Variants in ZC3H12B observed in about 807,000 individuals in gnomAD.
ZC3H12B encodes zinc finger CCCH-type containing 12B.
Under a neutral mutation model 43.9 loss-of-function variants are expected in ZC3H12B, and 7 were observed. That is an observed-to-expected ratio of 0.16 (90% CI 0.09 to 0.30). ZC3H12B has a LOEUF of 0.30. Among genes scored for constraint, ZC3H12B ranks in the 10% least tolerant of loss-of-function variants. The pLI is 1.00. For missense variants in ZC3H12B, 475 were observed against 670.2 expected (o/e 0.71, Z 3.22); for synonymous variants, 222 against 241.7 (o/e 0.92, Z 0.76).
chrX:65,269,269 C>T, the ZC3H12B span, among the ~76,000 whole-genome samples: 7 of 109,028 alleles, frequency 6.4e-5, no homozygotes, highest in East Asian at 5.8e-4. Context: ...CTCTTGAAAC[C>T]GGGAGGTGGA....
chrX:65,118,095 G>A, the ZC3H12B span, among the ~76,000 whole-genome samples: 41 of 111,313 alleles, frequency 3.7e-4, no homozygotes, highest in African/African-American at 8.8e-4. Flanking sequence ...CCAATTCTGC[G>A]AAGAAAGTCA....
chrX:65,274,761 G>A, the ZC3H12B span, among the ~76,000 whole-genome samples: 2 of 110,838 alleles, frequency 1.8e-5, no homozygotes, highest in African/African-American at 6.6e-5. Context: ...CCTGTCCAAT[G>A]GCCATGTGCC....
chrX:65,374,080 A>ATATATATACAGTATATATAACTT (rs2066307185), intron 2 of ZC3H12B, among the ~76,000 whole-genome samples: 2 of 63,174 alleles, frequency 3.2e-5, no homozygotes, highest in Non-Finnish European at 5.0e-5. Flanking sequence ...ATATATAACT[A>ATATATATACAGTATATATAACTT]TATATAGTAT....
the ZC3H12B span, among the ~76,000 whole-genome samples, chrX:65,320,289 A>G: frequency 2.7e-5 from 3 of 111,517 alleles, no homozygotes; most frequent in East Asian, 8.5e-4. Context: ...ACACAATTCC[A>G]TTCACAACTT....
At chrX:65,211,744 T>A in the ZC3H12B span, among the ~76,000 whole-genome samples, 1 of 85,976 alleles carries the variant, frequency 1.2e-5, no homozygotes, top group Non-Finnish European at 2.1e-5. Context: ...ATATATATAT[T>A]ATATAATATA....
At position 65,448,949 on chromosome X, in the gene ZC3H12B, G is replaced by GAA. The variant is rs1433745228; in HGVS notation, n.408-39695_408-39694dup. Among the ~76,000 whole-genome samples the GAA allele has an allele frequency of 9.6e-4, 55 of 57,499 alleles. 1 individual carries two copies. The South Asian group carries it at 0.02, about 21-fold the overall frequency. The allele number at this position is 57,499 out of a possible 115,157, so 49.9% of individuals were successfully genotyped here. A position where few individuals can be genotyped will look rare whatever the true frequency, so the allele number is the denominator to read the frequency against. On this transcript the variant is annotated intron_variant and non_coding_transcript_variant, in intron 3 of 5. Transcript: ENST00000617377. ...AGGAAAGAGAAGGAAAAGAAAGAAA[G>GAA]AAAGAAAAAGAAAGAAAGAAAGAAA...
the ZC3H12B span, among the ~76,000 whole-genome samples, chrX:65,165,717 C>T: frequency 5.4e-5 from 6 of 112,147 alleles, no homozygotes; most frequent in Non-Finnish European, 7.5e-5. Context: ...TGAGTTGGTT[C>T]CAAGTCTTTG....
At chrX:65,111,944 G>T in the ZC3H12B span, among the ~76,000 whole-genome samples, 6 of 111,714 alleles carry the variant, frequency 5.4e-5, no homozygotes, top group Admixed American at 2.9e-4. Flanking sequence ...TCTCACTTTA[G>T]ATCAAAGGCC....
At chrX:65,102,381 C>G in the ZC3H12B span, among the ~76,000 whole-genome samples, 2 of 111,665 alleles carry the variant, frequency 1.8e-5, no homozygotes, top group African/African-American at 6.5e-5. Flanking sequence ...GAAGTTCTGG[C>G]CAGAGCAATC....
the ZC3H12B span, among the ~76,000 whole-genome samples, chrX:65,282,124 G>A: frequency 6.3e-5 from 7 of 110,892 alleles, no homozygotes; most frequent in African/African-American, 2.3e-4. Flanking sequence ...TATATGAAAA[G>A]CCCACAATTA....
At chrX:65,035,227 C>T in the ZC3H12B span, among the ~76,000 whole-genome samples, 3 of 112,029 alleles carry the variant, frequency 2.7e-5, no homozygotes, top group African/African-American at 9.7e-5. Flanking sequence ...CCTGCAGGGG[C>T]TGCGTCGAGC....
the ZC3H12B span, among the ~76,000 whole-genome samples, chrX:65,152,594 C>G: frequency 1.8e-5 from 2 of 111,301 alleles, no homozygotes; most frequent in Non-Finnish European, 3.8e-5. Flanking sequence ...AGGATACAAA[C>G]AAATGGAAGA....
chrX:65,095,600 A>G, the ZC3H12B span, among the ~76,000 whole-genome samples: 2 of 111,645 alleles, frequency 1.8e-5, no homozygotes, highest in Admixed American at 1.9e-4. Flanking sequence ...AAAGAGAAAT[A>G]CCTGTGTGCT....
intron 3 of ZC3H12B, among the ~76,000 whole-genome samples, chrX:65,478,604 T>G (rs2068026011): frequency 8.9e-6 from 1 of 112,476 alleles, no homozygotes; most frequent in Non-Finnish European, 1.9e-5. Context: ...ATTTGTCAGC[T>G]ATTGGTTCAA....
the ZC3H12B span, among the ~76,000 whole-genome samples, chrX:65,067,970 T>G: frequency 4.5e-5 from 5 of 111,450 alleles, no homozygotes; most frequent in Non-Finnish European, 7.5e-5. Flanking sequence ...TTTCAATTTT[T>G]TTTCTTAATT....
the ZC3H12B span, among the ~76,000 whole-genome samples, chrX:65,125,709 A>G: frequency 1.8e-5 from 2 of 110,945 alleles, no homozygotes; most frequent in African/African-American, 6.5e-5. Flanking sequence ...AGGCCTTTTT[A>G]TCATTATATA....
At chrX:65,206,067 G>A in the ZC3H12B span, among the ~76,000 whole-genome samples, 1 of 112,180 alleles carries the variant, frequency 8.9e-6, no homozygotes, top group Non-Finnish European at 1.9e-5. Context: ...AATCAATGTT[G>A]AGAAAATAAC....
chrX:65,222,683 T>C, the ZC3H12B span, among the ~76,000 whole-genome samples: 4 of 107,541 alleles, frequency 3.7e-5, no homozygotes, highest in African/African-American at 1.0e-4. Flanking sequence ...ACCAAGGCTG[T>C]GAAAGACCTC....
At chrX:65,159,147 C>G in the ZC3H12B span, among the ~76,000 whole-genome samples, 5 of 111,937 alleles carry the variant, frequency 4.5e-5, no homozygotes, top group African/African-American at 1.6e-4. Flanking sequence ...TGTTTTGGTA[C>G]CAGTACCATG....
Sources: gnomAD v4.1 joint callset for allele counts (sites outside exome capture counted in the v4.1 genomes callset) on GRCh38, gnomAD v4.1.1 for gene constraint, MANE v1.5 for transcripts, NCBI Gene and HGNC (gene_info 2026-07-23, HGNC 2026-07-21) for gene names.